The following CCDC148 variants were observed in gnomAD, a reference collection of about 807,000 sequenced individuals.
The protein encoded by CCDC148 is coiled-coil domain containing 148, also known as coiled-coil domain-containing protein 148.
A neutral mutation model predicts 85.7 loss-of-function variants in CCDC148; 89 were observed. The observed-to-expected ratio is 1.04, with a 90% CI of 0.87 to 1.24. The LOEUF (loss-of-function observed/expected upper bound fraction) is 1.24. Among genes scored for constraint, CCDC148 ranks in the 50% most tolerant of loss-of-function variants. The probability of loss-of-function intolerance (pLI) is 0.00; values close to 1 mark genes in which losing one functional copy is unlikely to be tolerated. For missense variants in CCDC148, 692 were observed against 671.7 expected (o/e 1.03, Z -0.33); for synonymous variants, 230 against 213.9 (o/e 1.08, Z -0.66).
At chr2:158,259,187 G>A (rs988445349) in intron 9 of CCDC148, among the ~76,000 whole-genome samples, 1 of 151,664 alleles carries the variant, frequency 6.6e-6, no homozygotes, top group East Asian at 1.9e-4. Context: ...TTCTGTCAGG[G>A]AAGCCTTGCC....
At chr2:158,237,119 A>G (rs767185634) in intron 10 of CCDC148, among the ~76,000 whole-genome samples, 1 of 152,156 alleles carries the variant, frequency 6.6e-6, no homozygotes, top group Non-Finnish European at 1.5e-5. Flanking sequence ...AAAGGCTGAG[A>G]GGACATATGC....
intron 11 of CCDC148, among the ~76,000 whole-genome samples, chr2:158,201,558 C>G (rs371396125): frequency 6.6e-6 from 1 of 151,980 alleles, no homozygotes; most frequent in Non-Finnish European, 1.5e-5. Context: ...TACAGCTATA[C>G]GCCACCAACT....
chr2:158,340,723 T>C (rs1156756403), intron 3 of CCDC148, 43 bp from the exon 4 acceptor site: 12 of 1,140,230 alleles, frequency 1.1e-5, no homozygotes, highest in South Asian at 1.5e-5. Context: ...ATCATAAACA[T>C]ACATCTAGGT....
intron 10 of CCDC148, among the ~76,000 whole-genome samples, chr2:158,246,208 A>G (rs1292450688): frequency 1.3e-5 from 2 of 152,160 alleles, no homozygotes; most frequent in Non-Finnish European, 2.9e-5. Flanking sequence ...GAGACAGCAG[A>G]TGGGGGGAAA....
chr2:158,357,687 G>A lies in CCDC148; in HGVS notation c.147+762C>T, dbSNP rs143222493. Among the ~76,000 whole-genome samples the A allele has an allele frequency of 1.3e-3, 194 of 151,956 alleles. 2 individuals carry two copies. The highest frequency in any genetic ancestry group is 4.0e-3 in the African/African-American group (165 of 41,444). On this transcript the variant is annotated intron_variant, in intron 2 of 13. Coordinates refer to ENST00000283233, the MANE Select transcript of CCDC148 (RefSeq NM_138803.4). ...GAGGAGATATGTCCCATGAATATACGGTAATCTCTCCAGAATAGAGTATCA... is the reference window on the plus strand; with the variant it reads ...GAGGAGATATGTCCCATGAATATACAGTAATCTCTCCAGAATAGAGTATCA...
At chr2:158,400,953 C>A (rs1019339716) in intron 1 of CCDC148, among the ~76,000 whole-genome samples, 2 of 152,204 alleles carry the variant, frequency 1.3e-5, no homozygotes, top group South Asian at 2.1e-4. Flanking sequence ...TGAAAATATG[C>A]TCATCATCCC....
chr2:158,278,811 G>A (rs1559038149), intron 9 of CCDC148, among the ~76,000 whole-genome samples: 1 of 152,238 alleles, frequency 6.6e-6, no homozygotes, highest in Non-Finnish European at 1.5e-5. Flanking sequence ...TCTGAGAACG[G>A]GCAGACTGCC....
intron 7 of CCDC148, among the ~76,000 whole-genome samples, chr2:158,327,425 C>G (rs1449264361): frequency 6.6e-6 from 1 of 152,030 alleles, no homozygotes; most frequent in Non-Finnish European, 1.5e-5. Flanking sequence ...AGGAAAGGAC[C>G]CACCTACCAC....
At chr2:158,220,405 C>G (rs773331453) in intron 11 of CCDC148, among the ~76,000 whole-genome samples, 190 bp downstream of exon 11, 3 of 152,122 alleles carry the variant, frequency 2.0e-5, no homozygotes, top group Non-Finnish European at 4.4e-5. Context: ...AATGAAAAAC[C>G]AGAGGTTCAT....
chr2:158,409,126 G>A (rs1344156749), intron 1 of CCDC148, among the ~76,000 whole-genome samples: 1 of 152,058 alleles, frequency 6.6e-6, no homozygotes, highest in Non-Finnish European at 1.5e-5. Flanking sequence ...CCTTGTCATG[G>A]AGAACCTCTG....
chr2:158,421,124 C>T (rs1444118968), intron 1 of CCDC148, among the ~76,000 whole-genome samples: 1 of 152,046 alleles, frequency 6.6e-6, no homozygotes, highest in Non-Finnish European at 1.5e-5. Flanking sequence ...CTTAGACTCC[C>T]ACACAATAAT....
chr2:158,294,706 C>A (rs1057377024), intron 9 of CCDC148, among the ~76,000 whole-genome samples: 1 of 151,764 alleles, frequency 6.6e-6, no homozygotes, highest in Non-Finnish European at 1.5e-5. Context: ...TGCCTGTAAT[C>A]CCAGCCATGC....
At chr2:158,396,829 G>A (rs1685542533) in intron 1 of CCDC148, among the ~76,000 whole-genome samples, 1 of 152,032 alleles carries the variant, frequency 6.6e-6, no homozygotes, top group Non-Finnish European at 1.5e-5. Flanking sequence ...TGCTGCTGCT[G>A]CTATTACCAC....
intron 7 of CCDC148, among the ~76,000 whole-genome samples, chr2:158,328,390 C>T (rs889825565): frequency 1.3e-5 from 2 of 152,184 alleles, no homozygotes; most frequent in Non-Finnish European, 2.9e-5. Flanking sequence ...ATATGTGCCA[C>T]ATTTTCTTAA....
intron 10 of CCDC148, among the ~76,000 whole-genome samples, chr2:158,241,343 T>G (rs1688343387): frequency 6.6e-6 from 1 of 152,164 alleles, no homozygotes; most frequent in Non-Finnish European, 1.5e-5. Context: ...TATTAACTCT[T>G]TTTGTTGTGC....
intron 11 of CCDC148, among the ~76,000 whole-genome samples, chr2:158,197,626 A>G (rs1685742385): frequency 1.3e-5 from 2 of 152,114 alleles, no homozygotes; most frequent in African/African-American, 4.8e-5. Context: ...CTAATAAACA[A>G]CTTCCCCTAA....
At chr2:158,348,176 A>G (rs1258871499) in intron 2 of CCDC148, among the ~76,000 whole-genome samples, 1 of 152,120 alleles carries the variant, frequency 6.6e-6, no homozygotes, top group African/African-American at 2.4e-5. Context: ...GCACAAAGCT[A>G]TTCACTGCAG....
intron 1 of CCDC148, among the ~76,000 whole-genome samples, chr2:158,378,369 G>T (rs756010877): frequency 2.0e-5 from 3 of 152,126 alleles, no homozygotes; most frequent in Admixed American, 1.3e-4. Context: ...GCTGGCAGAA[G>T]TTGGCTCATA....
chr2:158,255,687 A>G (rs1254216201), intron 9 of CCDC148, among the ~76,000 whole-genome samples: 2 of 151,796 alleles, frequency 1.3e-5, no homozygotes, highest in Non-Finnish European at 2.9e-5. Context: ...TAGTAGTTTT[A>G]TTTTAAAGGC....
Sources: gnomAD v4.1 joint callset for allele counts (sites outside exome capture counted in the v4.1 genomes callset) on GRCh38, gnomAD v4.1.1 for gene constraint, MANE v1.5 for transcripts, NCBI Gene and HGNC (gene_info 2026-07-23, HGNC 2026-07-21) for gene names.